RAB38: variants seen among roughly 807,000 people sequenced by gnomAD.
RAB38 encodes RAB38, member RAS oncogene family, also known as ras-related protein Rab-38.
In RAB38, 15 loss-of-function variants were observed where a neutral mutation model predicts 18.4. The observed-to-expected ratio is 0.82, with a 90% confidence interval of 0.55 to 1.26. RAB38 has a LOEUF of 1.26. Ranked by LOEUF, RAB38 falls within the 50% of genes most tolerant of loss-of-function variation. The pLI is 0.00. For missense variants in RAB38, 294 were observed against 267.4 expected (o/e 1.10, Z -0.69); for synonymous variants, 101 against 104.4 (o/e 0.97, Z 0.20).
chr11:88,132,738 C>T (rs1306432112), intron 2 of RAB38, among the ~76,000 whole-genome samples: 2 of 152,208 alleles, frequency 1.3e-5, no homozygotes, highest in Non-Finnish European at 2.9e-5. Context: ...GGATTACAGG[C>T]ATGCACCACC....
intron 2 of RAB38, among the ~76,000 whole-genome samples, chr11:88,147,521 T>A (rs1364276815): frequency 2.0e-5 from 3 of 148,526 alleles, no homozygotes; most frequent in Admixed American, 6.8e-5. Flanking sequence ...AAATTGAGTG[T>A]GGCGCTAAAA....
the RAB38 span, among the ~76,000 whole-genome samples, chr11:87,941,212 G>GATATAATATATATATATAT: frequency 2.6e-5 from 1 of 37,778 alleles, no homozygotes; most frequent in African/African-American, 1.3e-4. Flanking sequence ...ATAAATATAT[G>GATATAATATATATATATAT]AGATATATAT....
At chr11:88,131,114 TA>T (rs531514465) in intron 2 of RAB38, among the ~76,000 whole-genome samples, 1 of 152,194 alleles carries the variant, frequency 6.6e-6, no homozygotes, top group East Asian at 1.9e-4. Flanking sequence ...ACTAAAAATG[TA>T]AGAAAAAGAG....
the RAB38 span, among the ~76,000 whole-genome samples, chr11:87,924,768 A>C: frequency 6.6e-6 from 1 of 152,032 alleles, no homozygotes; most frequent in Non-Finnish European, 1.5e-5. Context: ...TGGGTCATAC[A>C]GGTAGGAAGT....
At chr11:87,868,594 AG>A in the RAB38 span, among the ~76,000 whole-genome samples, 1 of 42,226 alleles carries the variant, frequency 2.4e-5, no homozygotes, top group Non-Finnish European at 6.1e-5. Flanking sequence ...AGAGAGAGAG[AG>A]AGAGAGAGAG....
chr11:88,061,805 C>G, the RAB38 span: 3 of 152,044 alleles, frequency 2.0e-5, no homozygotes, highest in Middle Eastern at 3.2e-3. Context: ...TGTCACTATG[C>G]GGAGGTGTCA....
the RAB38 span, among the ~76,000 whole-genome samples, chr11:87,893,791 G>A: frequency 4.6e-5 from 7 of 151,438 alleles, no homozygotes; most frequent in South Asian, 2.1e-4. Context: ...TTGTCCTTTC[G>A]TGACCAGTTT....
At chr11:87,809,759 A>G in the RAB38 span, among the ~76,000 whole-genome samples, 1 of 152,188 alleles carries the variant, frequency 6.6e-6, no homozygotes, top group Non-Finnish European at 1.5e-5. Flanking sequence ...CTGTCATTTT[A>G]TCCTCAATTT....
chr11:87,936,283 G>A, the RAB38 span, among the ~76,000 whole-genome samples: 1 of 151,958 alleles, frequency 6.6e-6, no homozygotes, highest in Non-Finnish European at 1.5e-5. Flanking sequence ...TATTTTATAT[G>A]TAAGCCCAAG....
chr11:87,831,030 C>T, the RAB38 span, among the ~76,000 whole-genome samples: 1 of 152,118 alleles, frequency 6.6e-6, no homozygotes, highest in African/African-American at 2.4e-5. Context: ...TGGTCTCAAA[C>T]TCCTGGTCTC....
chr11:87,826,419 T>C, the RAB38 span, among the ~76,000 whole-genome samples: 1 of 152,170 alleles, frequency 6.6e-6, no homozygotes, highest in Non-Finnish European at 1.5e-5. Flanking sequence ...TGCTATTTTA[T>C]AATCTTTTAT....
chr11:87,857,060 G>A, the RAB38 span, among the ~76,000 whole-genome samples: 1,011 of 145,664 alleles, frequency 6.9e-3, 8 homozygotes, highest in African/African-American at 0.021. Flanking sequence ...TCCCCTTCCC[G>A]TGTCCAAGTG....
In RAB38 at chr11:88,138,775, A is replaced by C. The variant is rs992589618; in HGVS notation, c.483+10900T>G. On this transcript the variant is annotated intron_variant, in intron 2 of 2. Transcript: ENST00000243662. ...TTTTATACATACAATTTTTATTATT[A>C]TTCTTTTTTTTTTATTATTTTTTTT... 7.2e-5 allele frequency among the ~76,000 whole-genome samples: 5 copies of C among 69,772 alleles called. No homozygotes were observed. The East Asian group carries it at 1.3e-3, about 18-fold the overall frequency. 45.8% of individuals were successfully genotyped at this position (69,772 alleles called of 152,430 possible).
the RAB38 span, among the ~76,000 whole-genome samples, chr11:87,940,571 C>G: frequency 2.6e-5 from 4 of 151,752 alleles, no homozygotes; most frequent in Admixed American, 6.6e-5. Context: ...CACACACACA[C>G]AGAAATAGAT....
At chr11:87,934,103 A>T in the RAB38 span, among the ~76,000 whole-genome samples, 1 of 152,118 alleles carries the variant, frequency 6.6e-6, no homozygotes, top group East Asian at 1.9e-4. Context: ...ATTGTCCTGG[A>T]CCACTCAGTG....
intron 1 of RAB38, among the ~76,000 whole-genome samples, chr11:88,172,730 G>A (rs1433478476): frequency 6.6e-6 from 1 of 152,178 alleles, no homozygotes; most frequent in African/African-American, 2.4e-5. Context: ...TATTTCACAT[G>A]AACTCATAAC....
chr11:88,135,150 CCTGT>C (rs1293475548), intron 2 of RAB38, among the ~76,000 whole-genome samples: 4 of 152,108 alleles, frequency 2.6e-5, no homozygotes, highest in Non-Finnish European at 5.9e-5. Context: ...CCCCGGTCAC[CCTGT>C]CTAAAACTGC....
chr11:87,890,945 A>G, the RAB38 span, among the ~76,000 whole-genome samples: 2 of 151,898 alleles, frequency 1.3e-5, no homozygotes. Context: ...AGATAGCAAC[A>G]GCAGAGCATT....
At chr11:88,074,537 C>T in the RAB38 span, among the ~76,000 whole-genome samples, 207 of 152,042 alleles carry the variant, frequency 1.4e-3, no homozygotes, top group African/African-American at 4.8e-3. Flanking sequence ...AACCATAATG[C>T]AAATACCTAT....
Sources: gnomAD v4.1 joint callset for allele counts (sites outside exome capture counted in the v4.1 genomes callset) on GRCh38, gnomAD v4.1.1 for gene constraint, MANE v1.5 for transcripts, NCBI Gene and HGNC (gene_info 2026-07-23, HGNC 2026-07-21) for gene names.